The following PRKCA variants were observed in gnomAD, a reference collection of about 807,000 sequenced individuals.
PRKCA encodes protein kinase C alpha type.
PRKCA carries 27 observed loss-of-function variants against 87.0 expected under a neutral mutation model. The observed-to-expected ratio is 0.31, with a 90% CI of 0.23 to 0.43. The LOEUF (loss-of-function observed/expected upper bound fraction) is 0.43. PRKCA is among the 20% of genes least tolerant of loss of function. The pLI, the probability that PRKCA is intolerant of heterozygous loss-of-function variation, is 1.00. For missense variants in PRKCA, 518 were observed against 852.3 expected, an observed-to-expected ratio of 0.61 and a Z score of 4.88; for synonymous variants, 329 against 311.1, an observed-to-expected ratio of 1.06 and a Z score of -0.61.
intron 2 of PRKCA, among the ~76,000 whole-genome samples, chr17:66,452,180 TCTCCAGAGAACTGTCTGCAC>T (rs1914360832): frequency 6.6e-6 from 1 of 152,236 alleles, no homozygotes; most frequent in African/African-American, 2.4e-5. Context: ...GGCTTCATTT[TCTCCAGAGAACTGTCTGCAC>T]CTCTGTTCCT....
chr17:66,389,248 C>G (rs145922877), intron 2 of PRKCA, among the ~76,000 whole-genome samples: 474 of 152,320 alleles, frequency 3.1e-3, no homozygotes, highest in Admixed American at 0.011. Context: ...TTAAATTTCA[C>G]TTTAATACAG....
At chr17:66,482,184 A>G (rs555806659) in intron 2 of PRKCA, among the ~76,000 whole-genome samples, 1 of 152,200 alleles carries the variant, frequency 6.6e-6, no homozygotes, top group Non-Finnish European at 1.5e-5. Context: ...AGAAGGATAC[A>G]TGTGGGTCTT....
At position 66,463,679 on chromosome 17, in the gene PRKCA, G is replaced by A. The variant is rs969594574; in HGVS notation, c.206-32522G>A. Among the ~76,000 whole-genome samples, 5 of 152,190 alleles carry A rather than the reference G, an allele frequency of 3.3e-5. No homozygotes were observed. In the East Asian group the frequency reaches 9.6e-4, roughly 29 times the overall value. On this transcript the variant is annotated intron_variant, in intron 2 of 16. Transcript: ENST00000413366. ...CAAAGTGCTGGGATTGCAGGCATGA[G>A]CCACTGTGCCCAGCTAGTTTGTTTG... is the stretch of plus-strand genomic sequence containing the variant.
intron 2 of PRKCA, among the ~76,000 whole-genome samples, chr17:66,473,744 G>A (rs1598702500): frequency 1.3e-5 from 2 of 152,148 alleles, no homozygotes; most frequent in African/African-American, 4.8e-5. Context: ...AGACCAGCCT[G>A]ACCAACATGG....
rs538283273 is a variant in PRKCA, at chr17:66,387,926, T to G, written c.205+81799T>G. On this transcript the variant is annotated intron_variant, in intron 2 of 16. Coordinates refer to ENST00000413366, the MANE Select transcript of PRKCA (RefSeq NM_002737.3). ...TTTTCACAGTGCCCAGGCTTAACTA[T>G]GCTGTCCCCGGGTCCATTCCCAACT... is the stretch of plus-strand genomic sequence containing the variant. Among the ~76,000 whole-genome samples, 7 of 152,350 alleles carry G rather than the reference T, an allele frequency of 4.6e-5. No homozygotes were observed. In the South Asian group the frequency reaches 1.4e-3, roughly 32 times the overall value.
chr17:66,306,078 CTTG>C lies in PRKCA; in HGVS notation c.174-15_174-13del. 6.2e-7 allele frequency: 1 copy of C among 1,610,862 alleles called. No homozygotes were observed. The highest frequency in any genetic ancestry group is 8.5e-7 in the Non-Finnish European group (1 of 1,178,238). The stretch of plus-strand genomic sequence containing the variant: ...AGAAAATATGTTAAGATATTTTGTT[CTTG>C]TTTTTGTTTTTCAGGGGGTTTGGGA... On this transcript the variant is annotated splice_polypyrimidine_tract_variant and intron_variant, in intron 1 of 16. Transcript: ENST00000413366.
chr17:66,730,536 C>T (rs1973858581), intron 8 of PRKCA, among the ~76,000 whole-genome samples: 2 of 152,182 alleles, frequency 1.3e-5, no homozygotes, highest in South Asian at 4.1e-4. Flanking sequence ...ATTCCCCTTT[C>T]ACACCATGTA....
intron 3 of PRKCA, among the ~76,000 whole-genome samples, chr17:66,528,804 G>T (rs1054846672): frequency 1.4e-4 from 22 of 152,238 alleles, no homozygotes; most frequent in Non-Finnish European, 2.5e-4. Context: ...ATGATAGTTG[G>T]AAGTACAGTG....
At chr17:66,312,329 T>C (rs1229240939) in intron 2 of PRKCA, among the ~76,000 whole-genome samples, 1 of 152,196 alleles carries the variant, frequency 6.6e-6, no homozygotes, top group African/African-American at 2.4e-5. Context: ...GCCCTCCGAG[T>C]ATTTCACTCT....
chr17:66,728,074 A>G (rs1335418991), intron 8 of PRKCA, among the ~76,000 whole-genome samples: 1 of 152,226 alleles, frequency 6.6e-6, no homozygotes, highest in Non-Finnish European at 1.5e-5. Flanking sequence ...GCTGCTTTCA[A>G]AAACTCAGCA....
At chr17:66,465,061 T>G (rs1423966992) in intron 2 of PRKCA, among the ~76,000 whole-genome samples, 3 of 152,224 alleles carry the variant, frequency 2.0e-5, no homozygotes, top group Non-Finnish European at 4.4e-5. Context: ...GGTAGAAACA[T>G]AGTTTGTTTC....
intron 2 of PRKCA, among the ~76,000 whole-genome samples, chr17:66,313,305 C>A (rs1905162944): frequency 6.6e-6 from 1 of 152,036 alleles, no homozygotes; most frequent in Admixed American, 6.5e-5. Flanking sequence ...AGTTTATAAT[C>A]CAAAGTTGTG....
chr17:66,615,342 C>G (rs1009500748), intron 3 of PRKCA, among the ~76,000 whole-genome samples: 1 of 151,908 alleles, frequency 6.6e-6, no homozygotes, highest in African/African-American at 2.4e-5. Context: ...GAGTGGATGT[C>G]GGGGTGGGTA....
intron 2 of PRKCA, among the ~76,000 whole-genome samples, chr17:66,323,534 T>C (rs1341429334): frequency 2.6e-5 from 4 of 152,086 alleles, no homozygotes; most frequent in Non-Finnish European, 4.4e-5. Context: ...TTGTCAGAGG[T>C]TTCTCTAAAT....
At chr17:66,455,699 T>C (rs938509428) in intron 2 of PRKCA, among the ~76,000 whole-genome samples, 6 of 152,178 alleles carry the variant, frequency 3.9e-5, no homozygotes, top group African/African-American at 1.4e-4. Context: ...CCACTTAATA[T>C]CTAAGAACAC....
chr17:66,567,439 C>CA, intron 3 of PRKCA, among the ~76,000 whole-genome samples: 1 of 152,214 alleles, frequency 6.6e-6, no homozygotes, highest in African/African-American at 2.4e-5. Flanking sequence ...TGAAGCAGGG[C>CA]AATAAGGCCC....
chr17:66,732,741 G>A lies in PRKCA; in HGVS notation c.972G>A (p.Arg324=). The change falls in exon 9 of 17, where the codon AGG becomes AGA. Residue 324 remains arginine (R), a synonymous_variant. Transcript: ENST00000413366. ...AAGTCATCAGTCCCTCTGAAGACAGGAAACAACCTTCCAACAACCTTGACC... is the reference window on the plus strand; with the variant it reads ...AAGTCATCAGTCCCTCTGAAGACAGAAAACAACCTTCCAACAACCTTGACC... The part of the protein sequence containing the change: ...GNKVISPSED[R]KQPSNNLDRV... 6.2e-7 allele frequency: 1 copy of A among 1,614,210 alleles called. No individual in the cohort carries two copies.
chr17:66,564,624 T>C (rs1968829722), intron 3 of PRKCA, among the ~76,000 whole-genome samples: 1 of 152,204 alleles, frequency 6.6e-6, no homozygotes, highest in African/African-American at 2.4e-5. Context: ...TTTTAGTACA[T>C]TAGATTTGGA....
intron 2 of PRKCA, among the ~76,000 whole-genome samples, chr17:66,432,502 C>G (rs1237669853): frequency 6.6e-6 from 1 of 152,098 alleles, no homozygotes; most frequent in Admixed American, 6.6e-5. Flanking sequence ...ATCTTCCTCC[C>G]TGATAATATT....
Sources: gnomAD v4.1 joint callset for allele counts (sites outside exome capture counted in the v4.1 genomes callset) on GRCh38, gnomAD v4.1.1 for gene constraint, MANE v1.5 for transcripts, NCBI Gene and HGNC (gene_info 2026-07-23, HGNC 2026-07-21) for gene names.